The following ADIPOR2 variants were observed in gnomAD, a reference collection of about 807,000 sequenced individuals.
ADIPOR2 encodes the protein adiponectin receptor protein 2.
In ADIPOR2, 18 loss-of-function variants were observed where a neutral mutation model predicts 40.9. The ratio of observed to expected loss-of-function variants is 0.44; its 90% CI spans 0.30 to 0.65. The LOEUF is 0.65. ADIPOR2 is among the 30% of genes least tolerant of loss of function. The pLI is 0.09. For synonymous variants in ADIPOR2, 165 were observed against 166.4 expected (o/e 0.99, Z 0.06); for missense variants, 283 against 479.2 (o/e 0.59, Z 3.82).
intron 1 of ADIPOR2, among the ~76,000 whole-genome samples, chr12:1,743,876 A>C (rs920031942): frequency 6.6e-6 from 1 of 152,174 alleles, no homozygotes; most frequent in African/African-American, 2.4e-5. Flanking sequence ...TTTTTATTAC[A>C]TTAAAAAACA....
intron 2 of ADIPOR2, chr12:1,757,679 G>T (rs1862168243): frequency 7.7e-7 from 1 of 1,307,092 alleles, no homozygotes; most frequent in East Asian, 2.3e-5. Flanking sequence ...GGTGTAATAG[G>T]ATGTACAGCA....
chr12:1,713,232 C>G (rs899542279), intron 1 of ADIPOR2, among the ~76,000 whole-genome samples: 1 of 152,080 alleles, frequency 6.6e-6, no homozygotes, highest in Non-Finnish European at 1.5e-5. Context: ...GAACTGTGAA[C>G]GATTCTGCTT....
chr12:1,728,496 GTGGATC>G (rs1333615105), intron 1 of ADIPOR2, among the ~76,000 whole-genome samples: 1 of 151,576 alleles, frequency 6.6e-6, no homozygotes, highest in Non-Finnish European at 1.5e-5. Context: ...GCCGAGGTGG[GTGGATC>G]ACTTGAGGTC....
chr12:1,738,812 G>A (rs1391252409), intron 1 of ADIPOR2, among the ~76,000 whole-genome samples: 2 of 151,966 alleles, frequency 1.3e-5, no homozygotes, highest in Non-Finnish European at 2.9e-5. Context: ...GTTGTGACTG[G>A]GACTGAATTT....
rs187669714 is a variant in ADIPOR2, at chr12:1,786,128, G to T, written c.*56G>T. The T allele has an allele frequency of 6.1e-4, 965 of 1,581,120 alleles. 6 individuals carry two copies. In the African/African-American group the frequency reaches 0.012, roughly 19 times the overall value. The stretch of plus-strand genomic sequence containing the variant: ...AAACCAGGGCCTGCGGCACTTGCGG[G>T]CCTCCCTGCTGGCTACTGATGCCAG... On this transcript the variant is annotated 3_prime_UTR_variant, in exon 8 of 8. Transcript: ENST00000357103.
intron 1 of ADIPOR2, among the ~76,000 whole-genome samples, chr12:1,704,207 A>G (rs981587337): frequency 6.6e-6 from 1 of 152,092 alleles, no homozygotes; most frequent in Non-Finnish European, 1.5e-5. Flanking sequence ...GTTTCTTGTT[A>G]AGCACAATTG....
At chr12:1,745,675 G>A (rs1023160184) in intron 1 of ADIPOR2, among the ~76,000 whole-genome samples, 5 of 151,994 alleles carry the variant, frequency 3.3e-5, no homozygotes, top group African/African-American at 1.2e-4. Context: ...TAAAGTTTTC[G>A]TAAAGCACCA....
intron 2 of ADIPOR2, among the ~76,000 whole-genome samples, chr12:1,761,172 A>C (rs1289281844): frequency 1.3e-5 from 2 of 152,234 alleles, no homozygotes; most frequent in Non-Finnish European, 2.9e-5. Flanking sequence ...AGGGTCCAGC[A>C]GTATCCATGA....
In ADIPOR2 at chr12:1,786,201, G is replaced by T. The variant is rs1862830774; in HGVS notation, c.*129G>T. The T allele has an allele frequency of 1.6e-6, 2 of 1,269,518 alleles. No homozygotes were observed. Among genetic ancestry groups the T allele is most frequent in the African/African-American group, 1.5e-5 (1 of 66,550 alleles). 78.6% of individuals were successfully genotyped at this position (1,269,518 alleles called of 1,614,324 possible). ...TGACAGCCTCGTGGGCTTTGTGACG[G>T]CCCAGTGGCTCTGCGTGGTACATGA... On this transcript the variant is annotated 3_prime_UTR_variant, in exon 8 of 8. Transcript: ENST00000357103.
intron 1 of ADIPOR2, among the ~76,000 whole-genome samples, chr12:1,710,715 C>T (rs576434655): frequency 3.3e-5 from 5 of 152,098 alleles, no homozygotes; most frequent in African/African-American, 7.2e-5. Context: ...CATTCAGCTG[C>T]GGGGTCCCAA....
chr12:1,751,140 G>A (rs776128396), intron 1 of ADIPOR2, among the ~76,000 whole-genome samples: 1 of 151,668 alleles, frequency 6.6e-6, no homozygotes, highest in Non-Finnish European at 1.5e-5. Context: ...CTAGTATTGG[G>A]GTGTTCTGTT....
Position 1,787,804 on chromosome 12 carries a change from C to G in ADIPOR2, c.*1732C>G, listed in dbSNP as rs1188023953. The G allele has an allele frequency of 6.6e-6, 1 of 152,282 alleles. No homozygotes were observed. The highest frequency in any genetic ancestry group is 1.5e-5 in the Non-Finnish European group (1 of 68,046). 9.4% of individuals were successfully genotyped at this position (152,282 alleles called of 1,614,324 possible). A position where few individuals can be genotyped will look rare whatever the true frequency, so the allele number is the denominator to read the frequency against. On this transcript the variant is annotated 3_prime_UTR_variant, in exon 8 of 8. Coordinates refer to ENST00000357103, the MANE Select transcript of ADIPOR2 (RefSeq NM_024551.3). Reference sequence around the variant, plus strand: ...TATTTTCCTCCCTTGCCCTTGCAATCTCCAGCAAAAGGTGGGATCTAGGAA... The same window carrying G: ...TATTTTCCTCCCTTGCCCTTGCAATGTCCAGCAAAAGGTGGGATCTAGGAA...
rs767695374 is a variant in ADIPOR2, at chr12:1,754,699, T to TTATTACTAC, written c.171+187_171+188insTTACTACTA. 5.9e-4 allele frequency among the ~76,000 whole-genome samples: 61 copies of TTATTACTAC among 103,606 alleles called. No homozygotes were observed. The East Asian group carries it at 7.2e-3, about 12-fold the overall frequency. The allele number at this position is 103,606 out of a possible 152,430, so 68.0% of individuals were successfully genotyped here. ...AAGTCTCTTATCTTTATTATTATTA[T>TTATTACTAC]TACTACTACTACTACTACTACTACT... On this transcript the variant is annotated intron_variant, in intron 2 of 7. Coordinates refer to ENST00000357103, the MANE Select transcript of ADIPOR2 (RefSeq NM_024551.3).
At chr12:1,757,746 GA>G in intron 2 of ADIPOR2, 1 of 1,237,308 alleles carries the variant, frequency 8.1e-7, no homozygotes, top group South Asian at 1.2e-5. Context: ...TGTCAATGCT[GA>G]TGACATCCAT....
At chr12:1,784,118 G>C in intron 7 of ADIPOR2, 45 bp downstream of exon 7, 1 of 1,467,050 alleles carries the variant, frequency 6.8e-7, no homozygotes. Flanking sequence ...CTGCTCATGA[G>C]TTATTGGCAT....
rs11061931 is a variant in ADIPOR2, at chr12:1,700,977, T to C, written c.-87+9786T>C. On this transcript the variant is annotated intron_variant, in intron 1 of 7. Coordinates refer to ENST00000357103, the MANE Select transcript of ADIPOR2 (RefSeq NM_024551.3). The stretch of plus-strand genomic sequence containing the variant: ...GAGACCAATATAATTAACATTCATA[T>C]ATTAACCATACAGCTGTAGCATATC... Among the ~76,000 whole-genome samples, 93 of 152,174 alleles carry C rather than the reference T, an allele frequency of 6.1e-4. 3 individuals carry two copies. The South Asian group carries it at 0.019, about 31-fold the overall frequency.
chr12:1,778,948 G>A (rs531272662), intron 4 of ADIPOR2, among the ~76,000 whole-genome samples: 13 of 152,060 alleles, frequency 8.5e-5, no homozygotes, highest in Admixed American at 2.0e-4. Flanking sequence ...TTAGGAAAAC[G>A]CAAATCAAAT....
At chr12:1,709,025 A>G (rs1331115116) in intron 1 of ADIPOR2, among the ~76,000 whole-genome samples, 1 of 152,124 alleles carries the variant, frequency 6.6e-6, no homozygotes, top group African/African-American at 2.4e-5. Context: ...GGCCCTGCAT[A>G]TCTATACTTA....
chr12:1,738,077 T>TTTTA (rs2094734853), intron 1 of ADIPOR2, among the ~76,000 whole-genome samples: 1 of 151,860 alleles, frequency 6.6e-6, no homozygotes, highest in Non-Finnish European at 1.5e-5. Context: ...ACCTTATTAG[T>TTTTA]TTTAGTAGTT....
Sources: gnomAD v4.1 joint callset for allele counts (sites outside exome capture counted in the v4.1 genomes callset) on GRCh38, gnomAD v4.1.1 for gene constraint, MANE v1.5 for transcripts, NCBI Gene and HGNC (gene_info 2026-07-23, HGNC 2026-07-21) for gene names.